The following SHLD2 variants were observed in gnomAD, a reference collection of about 807,000 sequenced individuals.
The protein encoded by SHLD2 is shieldin complex subunit 2, also known as RINN1-REV7-interacting novel NHEJ regulator 2.
A neutral mutation model predicts 73.2 loss-of-function variants in SHLD2; 30 were observed. That is an observed-to-expected ratio of 0.41 (90% CI 0.31 to 0.56). The LOEUF (loss-of-function observed/expected upper bound fraction) is 0.56. Ranked by LOEUF, SHLD2 falls within the 20% of genes least tolerant of loss-of-function variation. SHLD2 has a pLI of 0.28. For missense variants in SHLD2, 745 were observed against 1,055.9 expected (o/e 0.71, Z 4.08); for synonymous variants, 285 against 370.1 (o/e 0.77, Z 2.64).
rs774192602 is a variant in SHLD2, at chr10:87,151,925, C to T, written c.571C>T (p.Pro191Ser). 7 of 1,610,580 alleles carry T rather than the reference C, an allele frequency of 4.3e-6. No individual in the cohort carries two copies. Among genetic ancestry groups the T allele is most frequent in the Non-Finnish European group, 5.1e-6 (6 of 1,178,886 alleles). Reference sequence around the variant, plus strand: ...TAGTACTGAAAAAATTAATATAGGGCCTGAAGTGGTACAAAGAGAGTGTGT... The same window carrying T: ...TAGTACTGAAAAAATTAATATAGGGTCTGAAGTGGTACAAAGAGAGTGTGT... ...VCSTEKINIGPEVVQRECVPT... is the reference protein window; with the variant it reads ...VCSTEKINIGSEVVQRECVPT... The change falls in exon 3 of 10, where the codon CCT becomes TCT. Residue 191 changes from proline to serine, a missense_variant. This residue lies in a region of SHLD2 where 280 missense variants were observed against 353.9 expected (regional missense o/e 0.79). Transcript: ENST00000298786.
At chr10:87,123,210 A>G (rs1589477762) in intron 2 of SHLD2, among the ~76,000 whole-genome samples, 1 of 152,250 alleles carries the variant, frequency 6.6e-6, no homozygotes, top group Non-Finnish European at 1.5e-5. Flanking sequence ...AGATTTTTAA[A>G]GGGATACCAA....
intron 2 of SHLD2, among the ~76,000 whole-genome samples, chr10:87,099,899 A>G (rs559422692): frequency 2.6e-5 from 4 of 152,234 alleles, no homozygotes; most frequent in Non-Finnish European, 5.9e-5. Flanking sequence ...CTTATGGACC[A>G]TTTTTATGTC....
At chr10:87,161,097 T>TA (rs1028416716) in intron 4 of SHLD2, among the ~76,000 whole-genome samples, 16 of 152,222 alleles carry the variant, frequency 1.1e-4, no homozygotes, top group African/African-American at 3.9e-4. Context: ...GAATCAAAGT[T>TA]AAAACAAATT....
At chr10:87,113,637 T>C (rs1372820156) in intron 2 of SHLD2, among the ~76,000 whole-genome samples, 2 of 152,140 alleles carry the variant, frequency 1.3e-5, no homozygotes, top group Non-Finnish European at 2.9e-5. Flanking sequence ...TTAGTGTAGA[T>C]GGTTGCAAAA....
chr10:87,166,141 T>C (rs1348855280), intron 4 of SHLD2, among the ~76,000 whole-genome samples: 16 of 152,148 alleles, frequency 1.1e-4, no homozygotes. Context: ...CTACTTTTCT[T>C]CAACACCGTA....
intron 2 of SHLD2, among the ~76,000 whole-genome samples, chr10:87,148,556 T>TG (rs1845785134): frequency 7.9e-6 from 1 of 126,306 alleles, no homozygotes. Context: ...CAAACAAGTT[T>TG]GTGGGGGGGC....
intron 2 of SHLD2, among the ~76,000 whole-genome samples, chr10:87,134,410 C>G (rs1196143744): frequency 6.6e-6 from 1 of 152,102 alleles, no homozygotes; most frequent in Non-Finnish European, 1.5e-5. Context: ...AAAGGAGAAA[C>G]CAGCCACATT....
chr10:87,144,979 T>C (rs1303276178), intron 2 of SHLD2, among the ~76,000 whole-genome samples: 1 of 141,026 alleles, frequency 7.1e-6, no homozygotes, highest in African/African-American at 2.7e-5. Context: ...CTTGCTCTGT[T>C]GCCCAGGCTG....
chr10:87,166,953 G>A (rs899788561), intron 4 of SHLD2, among the ~76,000 whole-genome samples: 3 of 56,138 alleles, frequency 5.3e-5, no homozygotes, highest in African/African-American at 3.9e-4. Flanking sequence ...TTTGGAAAGT[G>A]TGTGTGTGTG....
At chr10:87,116,400 ATGAT>A (rs1257059423) in intron 2 of SHLD2, among the ~76,000 whole-genome samples, 1 of 150,878 alleles carries the variant, frequency 6.6e-6, no homozygotes, top group African/African-American at 2.4e-5. Context: ...GTGTGTGTGA[ATGAT>A]TGTACATTGT....
At chr10:87,182,650 G>A (rs972270173) in intron 8 of SHLD2, among the ~76,000 whole-genome samples, 1 of 152,134 alleles carries the variant, frequency 6.6e-6, no homozygotes, top group African/African-American at 2.4e-5. Flanking sequence ...TGTACTAGAA[G>A]CAAAAAACCC....
chr10:87,178,862 T>C (rs1315280821), intron 7 of SHLD2, among the ~76,000 whole-genome samples: 3 of 152,234 alleles, frequency 2.0e-5, no homozygotes, highest in Non-Finnish European at 4.4e-5. Flanking sequence ...TTGGAAGAGA[T>C]GATGAAACCA....
chr10:87,101,345 G>A (rs1842254667), intron 2 of SHLD2, among the ~76,000 whole-genome samples: 1 of 152,206 alleles, frequency 6.6e-6, no homozygotes, highest in South Asian at 2.1e-4. Flanking sequence ...AAAATAAAAT[G>A]TGTAATCAAC....
intron 9 of SHLD2, among the ~76,000 whole-genome samples, chr10:87,187,860 G>T (rs1848712741): frequency 6.6e-6 from 1 of 152,142 alleles, no homozygotes; most frequent in Admixed American, 6.5e-5. Flanking sequence ...GGAGGTGAGG[G>T]GTGAGCAGGA....
rs192352191 is a variant in SHLD2 at position 87,145,930 on chromosome 10, G to A, written c.-5-5420G>A. ...CTAGAATTATTGAAATTAATCAGTTGTCCATAACTTTTCTGTCTGTATAAT... is the reference window on the plus strand; with the variant it reads ...CTAGAATTATTGAAATTAATCAGTTATCCATAACTTTTCTGTCTGTATAAT... On this transcript the variant is annotated intron_variant, in intron 2 of 9. Coordinates refer to ENST00000298786, the MANE Select transcript of SHLD2 (RefSeq NM_001330112.2). 1.5e-3 allele frequency among the ~76,000 whole-genome samples: 221 copies of A among 152,204 alleles called. 3 individuals carry two copies. In the East Asian group the frequency reaches 0.035, roughly 24 times the overall value.
intron 2 of SHLD2, among the ~76,000 whole-genome samples, chr10:87,118,997 A>G (rs576446784): frequency 6.6e-5 from 10 of 151,898 alleles, no homozygotes; most frequent in Admixed American, 2.6e-4. Context: ...TTCATACAGT[A>G]TCTGGCACAT....
chr10:87,129,533 C>T (rs1412154070), intron 2 of SHLD2, among the ~76,000 whole-genome samples: 8 of 152,146 alleles, frequency 5.3e-5, no homozygotes, highest in Non-Finnish European at 1.2e-4. Context: ...ACTGGACCTC[C>T]AGTTTTTTCT....
chr10:87,119,703 G>A (rs1220136118), intron 2 of SHLD2, among the ~76,000 whole-genome samples: 8 of 151,916 alleles, frequency 5.3e-5, no homozygotes, highest in East Asian at 3.9e-4. Context: ...ACTTGAACCC[G>A]GGAGGCGGAG....
intron 6 of SHLD2, 134 bp from the exon 7 acceptor site, chr10:87,175,755 T>A: frequency 1.5e-6 from 1 of 670,322 alleles, no homozygotes; most frequent in Non-Finnish European, 2.6e-6. Context: ...TCATATTTTG[T>A]CTCTGTTTAC....
Sources: gnomAD v4.1 joint callset for allele counts (sites outside exome capture counted in the v4.1 genomes callset) on GRCh38, gnomAD v4.1.1 for gene constraint, gnomAD v4.1.1 regional missense constraint, MANE v1.5 for transcripts, NCBI Gene and HGNC (gene_info 2026-07-23, HGNC 2026-07-21) for gene names.